Variants in SCN11A observed in about 807,000 individuals in gnomAD.
SCN11A encodes sodium channel protein type 11 subunit alpha.
A neutral mutation model predicts 162.2 loss-of-function variants in SCN11A; 122 were observed. That is an observed-to-expected ratio of 0.75 (90% CI 0.65 to 0.87). The LOEUF is 0.87. SCN11A is among the 40% of genes least tolerant of loss of function. The pLI is 0.00. For synonymous variants in SCN11A, 758 were observed against 751.5 expected (o/e 1.01, Z -0.14); for missense variants, 2,015 against 2,181.6 (o/e 0.92, Z 1.52).
rs145575838 is a variant in SCN11A at position 38,847,368 on chromosome 3, T to A, written c.4702A>T (p.Asn1568Tyr). The change falls in exon 30 of 30, where the codon AAC becomes TAC. Residue 1568 changes from asparagine to tyrosine, a missense_variant. Physicochemically the swap from Asn to Tyr is moderately radical, Grantham distance 143. Coordinates refer to ENST00000302328, the MANE Select transcript of SCN11A (RefSeq NM_001349253.2). Reference sequence around the variant, plus strand: ...AGGTGGCAGTTTTCTGAGGAAGAGTTACATGATTCTTTTGATCGCAGCATG... The same window carrying A: ...AGGTGGCAGTTTTCTGAGGAAGAGTAACATGATTCTTTTGATCGCAGCATG... ...SPMLRSKESCNSSSENCHLPG... is the reference protein window; with the variant it reads ...SPMLRSKESCYSSSENCHLPG... 2.5e-6 allele frequency: 4 copies of A among 1,614,044 alleles called. No individual in the cohort carries two copies. The African/African-American group carries it at 5.3e-5, about 22-fold the overall frequency.
chr3:39,027,742 T>G (rs1440181434), intron 2 of SCN11A, among the ~76,000 whole-genome samples: 1 of 152,004 alleles, frequency 6.6e-6, no homozygotes, highest in Non-Finnish European at 1.5e-5. Context: ...GGTAGGAGAG[T>G]TCTTCCTTAG....
chr3:39,002,357 A>C (rs1350551817), intron 2 of SCN11A, among the ~76,000 whole-genome samples: 1 of 152,238 alleles, frequency 6.6e-6, no homozygotes, highest in African/African-American at 2.4e-5. Context: ...GCTTTGTGCA[A>C]ATGGACTATG....
intron 2 of SCN11A, among the ~76,000 whole-genome samples, chr3:39,026,909 G>C (rs573925220): frequency 6.6e-6 from 1 of 152,288 alleles, no homozygotes; most frequent in East Asian, 1.9e-4. Flanking sequence ...CAGAGCCCAT[G>C]GTCTGGGTCT....
rs377024796 is a variant in SCN11A, at chr3:38,988,466, T to C, written c.-279-28043A>G. ...CCCCGTCTGCAGCTCATGCCTGCCC[T>C]CCACACACCTTGCAGTCTCTTTCTG... On this transcript the variant is annotated intron_variant, in intron 2 of 29. Transcript: ENST00000302328. Among the ~76,000 whole-genome samples, 61 of 152,244 alleles carry C rather than the reference T, an allele frequency of 4.0e-4. No individual in the cohort carries two copies. In the East Asian group the frequency reaches 5.0e-3, roughly 13 times the overall value.
intron 2 of SCN11A, among the ~76,000 whole-genome samples, chr3:38,990,697 C>A (rs1186934129): frequency 1.3e-5 from 2 of 152,094 alleles, no homozygotes; most frequent in African/African-American, 4.8e-5. Flanking sequence ...ACATTCATTC[C>A]TCCCCACAGC....
intron 7 of SCN11A, among the ~76,000 whole-genome samples, chr3:38,927,251 T>C (rs1013685941): frequency 1.3e-5 from 2 of 152,194 alleles, no homozygotes; most frequent in African/African-American, 4.8e-5. Context: ...ATTCTAGAGC[T>C]GTCACTCTGA....
chr3:39,002,118 T>C (rs2030834464), intron 2 of SCN11A, among the ~76,000 whole-genome samples: 1 of 152,192 alleles, frequency 6.6e-6, no homozygotes, highest in Non-Finnish European at 1.5e-5. Context: ...TGACCATAGA[T>C]GTATGAGTTT....
rs1301840139 is a variant in SCN11A at position 38,921,161 on chromosome 3, C to T, written c.807G>A (p.Leu269=). The change falls in exon 10 of 30, where the codon CTG becomes CTA. Residue 269 remains leucine, a synonymous_variant. Transcript: ENST00000302328. ...LTFFCLSIFA[L]VGQQLFMGSL... ...TTCCCATGAAGAGCTGCTGACCTAC[C>T]AGGGCAAAGATGCTGAGGCAAAAGA... 1 of 1,614,102 alleles carries T rather than the reference C, an allele frequency of 6.2e-7. No homozygotes were observed. Among genetic ancestry groups the T allele is most frequent in the Non-Finnish European group, 8.5e-7 (1 of 1,179,964 alleles).
Position 38,845,821 on chromosome 3 carries a change from T to C in SCN11A, c.*873A>G, listed in dbSNP as rs2064651412. On this transcript the variant is annotated 3_prime_UTR_variant, in exon 30 of 30. Transcript: ENST00000302328. ...TTTATATATATATATATATCTGAGA[T>C]GGTAGCTTGTGAAAGGGTAGTAATT... 1 of 152,102 alleles carries C rather than the reference T, an allele frequency of 6.6e-6. No homozygotes were observed. The highest frequency in any genetic ancestry group is 1.5e-5 in the Non-Finnish European group (1 of 68,018). The allele number at this position is 152,102 out of a possible 1,614,324, so 9.4% of individuals were successfully genotyped here.
At chr3:38,978,545 C>A (rs999695899) in intron 2 of SCN11A, among the ~76,000 whole-genome samples, 5 of 152,008 alleles carry the variant, frequency 3.3e-5, no homozygotes, top group Admixed American at 6.6e-5. Flanking sequence ...ACTCGGGAGG[C>A]TGAGGCAGGA....
At chr3:38,940,057 CAT>C (rs35355665) in intron 7 of SCN11A, among the ~76,000 whole-genome samples, 80,295 of 146,298 alleles carry the variant, frequency 0.55, 23,806 homozygotes, top group South Asian at 0.66. Context: ...GATGTACATA[CAT>C]ATATATATAT....
chr3:39,048,593 G>A (rs1283877427), intron 1 of SCN11A, among the ~76,000 whole-genome samples: 1 of 152,038 alleles, frequency 6.6e-6, no homozygotes, highest in East Asian at 1.9e-4. Flanking sequence ...CCATATATAT[G>A]TACAATTATT....
In SCN11A at chr3:38,865,522, A is replaced by C. The variant is rs116028427; in HGVS notation, c.3951+1799T>G. ...TGAGAGTCCAGAGGAAAAATAAAAGAAAGCCATAAAACAATTAGGAAAACC... is the reference window on the plus strand; with the variant it reads ...TGAGAGTCCAGAGGAAAAATAAAAGCAAGCCATAAAACAATTAGGAAAACC... On this transcript the variant is annotated intron_variant, in intron 27 of 29. Coordinates refer to ENST00000302328, the MANE Select transcript of SCN11A (RefSeq NM_001349253.2). 9.0e-3 allele frequency among the ~76,000 whole-genome samples: 1,364 copies of C among 152,300 alleles called. 26 individuals are homozygous for C. Among genetic ancestry groups the C allele is most frequent in the African/African-American group, 0.031 (1,297 of 41,568 alleles).
In SCN11A at chr3:38,871,675, C is replaced by A; in HGVS notation, c.3529G>T (p.Ala1177Ser). 6.2e-7 allele frequency: 1 copy of A among 1,611,488 alleles called. No homozygotes were observed. ...CAGACAAGCAAAACATTCAGAATGG[C>A]AGGTATGGCACCTATGAGAGCATTG... ...VVNALIGAIPAILNVLLVCLI... is the reference protein window; with the variant it reads ...VVNALIGAIPSILNVLLVCLI... Residue 1177 changes from alanine (A) to serine (S), a missense_variant, in exon 25 of 30, where the codon GCC (alanine) becomes TCC (serine). Physicochemically the swap from Ala to Ser is moderately conservative, Grantham distance 99. Coordinates refer to ENST00000302328, the MANE Select transcript of SCN11A (RefSeq NM_001349253.2).
intron 2 of SCN11A, among the ~76,000 whole-genome samples, chr3:38,990,205 C>G (rs1411867393): frequency 6.6e-6 from 1 of 152,168 alleles, no homozygotes; most frequent in Admixed American, 6.5e-5. Flanking sequence ...AAGAGCAGCT[C>G]AGAGCAAGGG....
intron 2 of SCN11A, among the ~76,000 whole-genome samples, chr3:39,001,166 A>G (rs1329194236): frequency 4.6e-5 from 7 of 152,244 alleles, no homozygotes; most frequent in African/African-American, 1.7e-4. Flanking sequence ...CTGAAAGTGT[A>G]CAATTCAGTG....
At chr3:38,962,138 TTA>T (rs1161228978) in intron 2 of SCN11A, among the ~76,000 whole-genome samples, 1 of 152,196 alleles carries the variant, frequency 6.6e-6, no homozygotes, top group African/African-American at 2.4e-5. Flanking sequence ...TTTCCCCACT[TTA>T]TGTTTTTGTT....
chr3:38,970,162 G>T (rs2066808100), intron 2 of SCN11A, among the ~76,000 whole-genome samples: 1 of 152,164 alleles, frequency 6.6e-6, no homozygotes, highest in South Asian at 2.1e-4. Flanking sequence ...ACAGCCCATA[G>T]CAAGAGGGGG....
chr3:38,923,865 C>A (rs2066093009), intron 9 of SCN11A, among the ~76,000 whole-genome samples: 1 of 152,192 alleles, frequency 6.6e-6, no homozygotes, highest in South Asian at 2.1e-4. Context: ...GAGAGACAGA[C>A]AAGGGAGGAG....
Sources: gnomAD v4.1 joint callset for allele counts (sites outside exome capture counted in the v4.1 genomes callset) on GRCh38, gnomAD v4.1.1 for gene constraint, MANE v1.5 for transcripts, NCBI Gene and HGNC (gene_info 2026-07-23, HGNC 2026-07-21) for gene names.